Variants in IGSF11 observed in about 807,000 individuals in gnomAD.
IGSF11 encodes CXADR like 1.
IGSF11 carries 22 observed loss-of-function variants against 41.0 expected under a neutral mutation model. The ratio of observed to expected loss-of-function variants is 0.54; its 90% CI spans 0.38 to 0.77. IGSF11 has a LOEUF of 0.77. Among genes scored for constraint, IGSF11 ranks in the 30% least tolerant of loss-of-function variants. The pLI is 0.00. For missense variants in IGSF11, 444 were observed against 530.8 expected (o/e 0.84, Z 1.61); for synonymous variants, 219 against 201.3 (o/e 1.09, Z -0.74).
intron 1 of IGSF11, among the ~76,000 whole-genome samples, chr3:119,090,146 T>A (rs145280333): frequency 9.9e-4 from 150 of 152,184 alleles, no homozygotes; most frequent in African/African-American, 3.6e-3. Flanking sequence ...CCATTTATAA[T>A]AGCCACAAAG....
intron 1 of IGSF11, among the ~76,000 whole-genome samples, chr3:119,016,175 A>G (rs12053925): frequency 0.091 from 13,834 of 152,290 alleles, 699 homozygotes; most frequent in East Asian, 0.13. Context: ...AGGGTGTCAC[A>G]CTGGGCTGTG....
rs1004043671 is a variant in IGSF11 at position 118,951,956 on chromosome 3, T to C, written c.53-21681A>G. Among the ~76,000 whole-genome samples, 5 of 152,216 alleles carry C rather than the reference T, an allele frequency of 3.3e-5. 1 individual carries two copies. Among genetic ancestry groups the C allele is most frequent in the East Asian group, 1.9e-4 (1 of 5,186 alleles). ...CCACAAATATGGAGGACTGACTGTATACATACAGACATACCTCAGAGATAT... is the reference window on the plus strand; with the variant it reads ...CCACAAATATGGAGGACTGACTGTACACATACAGACATACCTCAGAGATAT... On this transcript the variant is annotated intron_variant, in intron 1 of 6. Coordinates refer to ENST00000393775, the MANE Select transcript of IGSF11 (RefSeq NM_001015887.3).
At chr3:118,949,384 C>T (rs1428413155) in intron 1 of IGSF11, 1 of 149,392 alleles carries the variant, frequency 6.7e-6, no homozygotes, top group Admixed American at 6.6e-5. Context: ...GCTTAAAAAA[C>T]CCTATAGGTA....
At chr3:119,068,756 A>G (rs370821469) in intron 1 of IGSF11, among the ~76,000 whole-genome samples, 1 of 152,300 alleles carries the variant, frequency 6.6e-6, no homozygotes, top group South Asian at 2.1e-4. Flanking sequence ...ATAAGTTTTA[A>G]GCAGAACAGT....
intron 1 of IGSF11, among the ~76,000 whole-genome samples, chr3:119,026,090 G>A (rs1939795567): frequency 6.6e-6 from 1 of 152,092 alleles, no homozygotes; most frequent in Admixed American, 6.6e-5. Flanking sequence ...CCAACATGGT[G>A]AAACCCCGTC....
intron 1 of IGSF11, among the ~76,000 whole-genome samples, chr3:119,061,405 C>T (rs1942046867): frequency 6.6e-6 from 1 of 152,106 alleles, no homozygotes; most frequent in South Asian, 2.1e-4. Context: ...AGCAGGAATC[C>T]GGTGCCATAG....
intron 1 of IGSF11, among the ~76,000 whole-genome samples, chr3:118,979,663 A>C (rs1934503357): frequency 6.6e-6 from 1 of 152,224 alleles, no homozygotes; most frequent in South Asian, 2.1e-4. Flanking sequence ...AGGCAACAAA[A>C]ACAAAAATAG....
At chr3:119,121,348 A>C (rs756746943) in intron 1 of IGSF11, among the ~76,000 whole-genome samples, 1 of 152,192 alleles carries the variant, frequency 6.6e-6, no homozygotes, top group Non-Finnish European at 1.5e-5. Flanking sequence ...CAAATAAAGG[A>C]TAGGAATAAT....
chr3:119,132,308 T>A (rs566596469), intron 1 of IGSF11, among the ~76,000 whole-genome samples: 1 of 132,106 alleles, frequency 7.6e-6, no homozygotes, highest in East Asian at 2.4e-4. Flanking sequence ...AGGAGACCCA[T>A]CTCACATGCA....
chr3:118,962,520 G>A (rs1367360299), intron 1 of IGSF11, among the ~76,000 whole-genome samples: 1 of 152,080 alleles, frequency 6.6e-6, no homozygotes, highest in African/African-American at 2.4e-5. Flanking sequence ...TTAATAAAAT[G>A]GAAAAATACA....
chr3:118,941,017 AGAAAACACAG>A (rs1943654209), intron 1 of IGSF11, among the ~76,000 whole-genome samples: 1 of 151,890 alleles, frequency 6.6e-6, no homozygotes, highest in Non-Finnish European at 1.5e-5. Context: ...AACTTCTGGA[AGAAAACACAG>A]GAGAAATTCT....
At chr3:119,062,059 C>T (rs1942070288) in intron 1 of IGSF11, among the ~76,000 whole-genome samples, 1 of 152,120 alleles carries the variant, frequency 6.6e-6, no homozygotes, top group African/African-American at 2.4e-5. Context: ...ATTCCTACTT[C>T]ACAGGTTATT....
intron 1 of IGSF11, among the ~76,000 whole-genome samples, chr3:118,932,434 C>G (rs1406042574): frequency 6.6e-6 from 1 of 152,168 alleles, no homozygotes; most frequent in Non-Finnish European, 1.5e-5. Flanking sequence ...ATGTTCTTCA[C>G]GTATAGTCTG....
intron 1 of IGSF11, among the ~76,000 whole-genome samples, chr3:119,000,496 G>C (rs1181404790): frequency 6.6e-6 from 1 of 150,698 alleles, no homozygotes; most frequent in Non-Finnish European, 1.5e-5. Flanking sequence ...CAGTTGCTAG[G>C]ACCCAAATAT....
At chr3:118,964,552 T>C (rs972997820) in intron 1 of IGSF11, among the ~76,000 whole-genome samples, 4 of 152,098 alleles carry the variant, frequency 2.6e-5, no homozygotes, top group African/African-American at 9.7e-5. Context: ...GAGATACAGA[T>C]AGGAAGAAGG....
intron 1 of IGSF11, among the ~76,000 whole-genome samples, chr3:119,006,184 A>G (rs1937481672): frequency 8.0e-6 from 1 of 125,698 alleles, no homozygotes; most frequent in African/African-American, 3.8e-5. Flanking sequence ...TTTTTCTCTA[A>G]ACTTCCCTTC....
At chr3:119,012,014 T>C (rs1332309122) in intron 1 of IGSF11, among the ~76,000 whole-genome samples, 2 of 151,908 alleles carry the variant, frequency 1.3e-5, no homozygotes, top group Non-Finnish European at 2.9e-5. Context: ...TCTAGCAATA[T>C]AGTGTACACA....
intron 1 of IGSF11, among the ~76,000 whole-genome samples, chr3:119,098,499 T>A (rs1006276974): frequency 2.0e-5 from 3 of 152,172 alleles, no homozygotes; most frequent in African/African-American, 7.2e-5. Flanking sequence ...CTTATTCAGT[T>A]TTGTACCCTC....
Position 118,902,829 on chromosome 3 carries a change from A to G in IGSF11, c.987T>C (p.His329=), listed in dbSNP as rs770602920. Residue 329 remains histidine, a synonymous_variant, in exon 7 of 7, where the codon CAT becomes CAC. Coordinates refer to ENST00000393775, the MANE Select transcript of IGSF11 (RefSeq NM_001015887.3). ...SRYWSNNPKV[H]RNTESVSHFS... ...AGTGGCTGACTGACTCTGTGTTTCT[A>G]TGAACTTTTGGATTGTTGCTCCAGT... 6.8e-6 allele frequency: 11 copies of G among 1,614,076 alleles called. No individual in the cohort carries two copies. Among genetic ancestry groups the G allele is most frequent in the African/African-American group, 6.7e-5 (5 of 74,932 alleles).
Sources: gnomAD v4.1 joint callset for allele counts (sites outside exome capture counted in the v4.1 genomes callset) on GRCh38, gnomAD v4.1.1 for gene constraint, MANE v1.5 for transcripts, NCBI Gene and HGNC (gene_info 2026-07-23, HGNC 2026-07-21) for gene names.